Variants in NALF1 observed in about 807,000 individuals in gnomAD.
The protein encoded by NALF1 is NALCN channel auxiliary factor 1, also known as family with sequence similarity 155 member A.
NALF1 carries 3 observed loss-of-function variants against 48.4 expected under a neutral mutation model. The ratio of observed to expected loss-of-function variants is 0.06; its 90% CI spans 0.03 to 0.16. NALF1 has a LOEUF of 0.16. NALF1 is among the 10% of genes least tolerant of loss of function. The pLI is 1.00. For synonymous variants in NALF1, 262 were observed against 245.7 expected, an observed-to-expected ratio of 1.07 and a Z score of -0.62; for missense variants, 526 against 571.5, an observed-to-expected ratio of 0.92 and a Z score of 0.81.
intron 1 of NALF1, among the ~76,000 whole-genome samples, chr13:107,438,845 AAAAAAAGAAT>A (rs1167803789): frequency 4.7e-5 from 7 of 147,998 alleles, no homozygotes; most frequent in South Asian, 2.1e-4. Context: ...AAAAAAAAAA[AAAAAAAGAAT>A]AATATAAAGG....
chr13:107,391,168 G>C (rs540455600), intron 1 of NALF1, among the ~76,000 whole-genome samples: 91 of 152,028 alleles, frequency 6.0e-4, no homozygotes, highest in African/African-American at 2.0e-3. Context: ...CTAGCTCTGG[G>C]GATAAAGTCC....
In NALF1 at chr13:107,166,469, C is replaced by T. The variant is rs1878661662; in HGVS notation, c.*4028G>A. 6.6e-6 allele frequency: 1 copy of T among 152,110 alleles called. No individual in the cohort carries two copies. Among genetic ancestry groups the T allele is most frequent in the Non-Finnish European group, 1.5e-5 (1 of 68,008 alleles). 9.4% of individuals were successfully genotyped at this position (152,110 alleles called of 1,614,324 possible). On this transcript the variant is annotated 3_prime_UTR_variant, in exon 3 of 3. Transcript: ENST00000375915. ...AGAAATTAAATACCTGACTGCAGTTCTAAATAAATAAAACAAAATGCAGCT... is the reference window on the plus strand; with the variant it reads ...AGAAATTAAATACCTGACTGCAGTTTTAAATAAATAAAACAAAATGCAGCT...
At chr13:107,851,204 T>C (rs1326470918) in intron 1 of NALF1, among the ~76,000 whole-genome samples, 1 of 152,206 alleles carries the variant, frequency 6.6e-6, no homozygotes, top group Non-Finnish European at 1.5e-5. Context: ...AACCTTATAG[T>C]ATCTTTTCAG....
intron 1 of NALF1, among the ~76,000 whole-genome samples, chr13:107,399,455 T>TACACACACACAC (rs35237023): frequency 1.3e-5 from 2 of 150,950 alleles, no homozygotes; most frequent in African/African-American, 4.9e-5. Flanking sequence ...CACATTCACG[T>TACACACACACAC]ACACACACAC....
intron 1 of NALF1, among the ~76,000 whole-genome samples, chr13:107,815,553 T>G (rs1381872458): frequency 6.6e-6 from 1 of 152,146 alleles, no homozygotes; most frequent in Non-Finnish European, 1.5e-5. Context: ...CCCTTGCACA[T>G]TGCTAGTAGA....
At chr13:107,697,442 G>A (rs1881723699) in intron 1 of NALF1, among the ~76,000 whole-genome samples, 3 of 151,960 alleles carry the variant, frequency 2.0e-5, no homozygotes, top group Admixed American at 6.6e-5. Context: ...ATTTTATTTT[G>A]AACTTTATAC....
intron 1 of NALF1, among the ~76,000 whole-genome samples, chr13:107,491,875 A>C (rs927502538): frequency 3.3e-5 from 5 of 152,104 alleles, no homozygotes; most frequent in Non-Finnish European, 5.9e-5. Flanking sequence ...AAGAGAGGAA[A>C]TAATAGGATC....
At chr13:107,533,768 C>T (rs1008128328) in intron 1 of NALF1, among the ~76,000 whole-genome samples, 1 of 152,102 alleles carries the variant, frequency 6.6e-6, no homozygotes, top group East Asian at 1.9e-4. Context: ...TGTTGAGGGT[C>T]TGTGATGCCT....
chr13:107,467,543 C>A (rs1241620570), intron 1 of NALF1, among the ~76,000 whole-genome samples: 2 of 152,114 alleles, frequency 1.3e-5, no homozygotes, highest in Admixed American at 1.3e-4. Context: ...GCCATAAAGT[C>A]AAGCTACTGA....
In NALF1 at chr13:107,471,564, C is replaced by A. The variant is rs1383302090; in HGVS notation, c.916-260809G>T. ...GATATTATGTAAGTTTCCAGTATGA[C>A]TTTTAATTACTAAGAAATTATTGGT... On this transcript the variant is annotated intron_variant, in intron 1 of 2. Transcript: ENST00000375915. Among the ~76,000 whole-genome samples, 5 of 152,218 alleles carry A rather than the reference C, an allele frequency of 3.3e-5. No individual in the cohort carries two copies. In the South Asian group the frequency reaches 8.3e-4, roughly 25 times the overall value.
At chr13:107,302,563 A>G (rs542922624) in intron 1 of NALF1, among the ~76,000 whole-genome samples, 8 of 152,220 alleles carry the variant, frequency 5.3e-5, no homozygotes, top group African/African-American at 1.9e-4. Flanking sequence ...TGGGGCTCCA[A>G]TGGAAATGAG....
intron 1 of NALF1, among the ~76,000 whole-genome samples, chr13:107,688,051 CACT>C (rs1410153151): frequency 2.0e-5 from 3 of 152,174 alleles, no homozygotes; most frequent in South Asian, 2.1e-4. Flanking sequence ...AAATTCTAAA[CACT>C]ACTACTATTA....
intron 1 of NALF1, among the ~76,000 whole-genome samples, chr13:107,546,947 A>C (rs528375864): frequency 6.6e-6 from 1 of 152,184 alleles, no homozygotes; most frequent in South Asian, 2.1e-4. Context: ...CAACTCAACT[A>C]TTAGCTGTGT....
intron 1 of NALF1, among the ~76,000 whole-genome samples, chr13:107,400,104 T>C (rs959765240): frequency 1.7e-4 from 26 of 152,170 alleles, no homozygotes; most frequent in Admixed American, 7.2e-4. Flanking sequence ...AACTGTACCA[T>C]ATGTCTCATG....
chr13:107,648,583 T>TA (rs1236971717), intron 1 of NALF1, among the ~76,000 whole-genome samples: 13 of 152,170 alleles, frequency 8.5e-5, no homozygotes, highest in African/African-American at 2.7e-4. Context: ...TTCATTCACC[T>TA]ATTGTAGGAC....
intron 1 of NALF1, among the ~76,000 whole-genome samples, chr13:107,586,084 A>T (rs1328268935): frequency 6.6e-6 from 1 of 152,094 alleles, no homozygotes; most frequent in African/African-American, 2.4e-5. Flanking sequence ...CTTATATTGA[A>T]TATAGAAGGC....
intron 1 of NALF1, among the ~76,000 whole-genome samples, chr13:107,298,726 G>A (rs1470850521): frequency 6.6e-6 from 1 of 152,000 alleles, no homozygotes. Flanking sequence ...CACTGCACCT[G>A]GCCACACATA....
chr13:107,502,241 T>C (rs1479912921), intron 1 of NALF1, among the ~76,000 whole-genome samples: 1 of 152,158 alleles, frequency 6.6e-6, no homozygotes, highest in Non-Finnish European at 1.5e-5. Flanking sequence ...CAGTTCATAT[T>C]ATGTTTTATT....
At chr13:107,706,855 G>A (rs1456707583) in intron 1 of NALF1, among the ~76,000 whole-genome samples, 1 of 150,764 alleles carries the variant, frequency 6.6e-6, no homozygotes, top group African/African-American at 2.4e-5. Context: ...GAATACAACT[G>A]CTTAATTGTT....
Sources: gnomAD v4.1 joint callset for allele counts (sites outside exome capture counted in the v4.1 genomes callset) on GRCh38, gnomAD v4.1.1 for gene constraint, MANE v1.5 for transcripts, NCBI Gene and HGNC (gene_info 2026-07-23, HGNC 2026-07-21) for gene names.